The following LARS2 variants were observed in gnomAD, a reference collection of about 807,000 sequenced individuals.
The protein encoded by LARS2 is leucine--tRNA ligase, mitochondrial.
A neutral mutation model predicts 116.6 loss-of-function variants in LARS2; 81 were observed. That is an observed-to-expected ratio of 0.69 (90% confidence interval 0.58 to 0.84). LARS2 has a LOEUF of 0.84. Ranked by LOEUF, LARS2 falls within the 40% of genes least tolerant of loss-of-function variation. The pLI, the probability that LARS2 is intolerant of heterozygous loss-of-function variation, is 0.00. For synonymous variants in LARS2, 396 were observed against 407.2 expected (o/e 0.97, Z 0.33); for missense variants, 968 against 1,114.5 (o/e 0.87, Z 1.87).
At chr3:45,434,237 T>C (rs1698765670) in intron 6 of LARS2, among the ~76,000 whole-genome samples, 1 of 152,238 alleles carries the variant, frequency 6.6e-6, no homozygotes. Flanking sequence ...TCTTTTGTTA[T>C]AGTTCCACAT....
chr3:45,401,153 A>G lies in LARS2; in HGVS notation c.363+780A>G, dbSNP rs145553893. On this transcript the variant is annotated intron_variant, in intron 4 of 21. Transcript: ENST00000645846. ...CTAATGGAAAAAAATAATTTTTTTA[A>G]GAAAAGATATTTGGGGAGTAACAAC... Among the ~76,000 whole-genome samples, 14 of 152,250 alleles carry G rather than the reference A, an allele frequency of 9.2e-5. No homozygotes were observed. In the East Asian group the frequency reaches 2.7e-3, roughly 29 times the overall value.
intron 6 of LARS2, among the ~76,000 whole-genome samples, chr3:45,444,031 G>GTCTT (rs1698965486): frequency 6.9e-6 from 1 of 144,090 alleles, no homozygotes; most frequent in Non-Finnish European, 1.5e-5. Context: ...CTGAGACAGA[G>GTCTT]TCTTGCTCTG....
chr3:45,485,843 T>C, intron 11 of LARS2, 47 bp downstream of exon 11: 1 of 1,233,878 alleles, frequency 8.1e-7, no homozygotes, highest in Non-Finnish European at 1.2e-6. Flanking sequence ...TTTGCAGATT[T>C]AGAATCAAAA....
intron 19 of LARS2, 31 bp from the exon 20 acceptor site, chr3:45,523,966 A>G (rs768427091): frequency 1.5e-5 from 23 of 1,508,156 alleles, no homozygotes; most frequent in Non-Finnish European, 2.1e-5. Flanking sequence ...TTTACACCTC[A>G]GTCTTCTTAC....
intron 20 of LARS2, 184 bp from the exon 21 acceptor site, chr3:45,541,645 A>G (rs1243937086): frequency 1.5e-5 from 9 of 619,494 alleles, no homozygotes; most frequent in Middle Eastern, 4.4e-4. Context: ...AACAAAAGCT[A>G]CCCAACAACC....
At chr3:45,442,747 C>T (rs1390323611) in intron 6 of LARS2, among the ~76,000 whole-genome samples, 2 of 152,192 alleles carry the variant, frequency 1.3e-5, no homozygotes, top group Non-Finnish European at 2.9e-5. Flanking sequence ...AGAAGGGCAA[C>T]TCACTTAACC....
Position 45,500,473 on chromosome 3 carries a change from A to T in LARS2, c.1654A>T (p.Met552Leu). Residue 552 changes from methionine to leucine, a missense_variant, in exon 15 of 22, where the codon ATG (methionine) becomes TTG (leucine). Transcript: ENST00000645846. ...PFNTAVADYW[M>L]PVDLYIGGKE... ...TAACACAGCAGTGGCCGATTACTGG[A>T]TGCCTGTGGATTTGTACATTGGAGG... 6.2e-7 allele frequency: 1 copy of T among 1,605,884 alleles called. No homozygotes were observed.
intron 10 of LARS2, among the ~76,000 whole-genome samples, chr3:45,485,039 C>T (rs1699782602): frequency 6.6e-6 from 1 of 152,112 alleles, no homozygotes; most frequent in Non-Finnish European, 1.5e-5. Context: ...TGGTCATTCT[C>T]CAGGCCTCTG....
At chr3:45,533,190 G>A (rs1364194521) in intron 20 of LARS2, among the ~76,000 whole-genome samples, 3 of 104,726 alleles carry the variant, frequency 2.9e-5, no homozygotes, top group African/African-American at 7.5e-5. Context: ...TTGCTCTGTC[G>A]CCCAGGCTGG....
chr3:45,496,810 C>T (rs1360669944), intron 14 of LARS2, among the ~76,000 whole-genome samples: 1 of 152,260 alleles, frequency 6.6e-6, no homozygotes, highest in Non-Finnish European at 1.5e-5. Context: ...TGTCAGTCAA[C>T]TGTGCACCTC....
At chr3:45,415,137 G>A (rs575480942) in intron 4 of LARS2, among the ~76,000 whole-genome samples, 2 of 152,180 alleles carry the variant, frequency 1.3e-5, no homozygotes, top group African/African-American at 2.4e-5. Flanking sequence ...TTACTGGCCT[G>A]GGCTTGCTTA....
rs1339721535 is a variant in LARS2, at chr3:45,491,903, T to C, written c.1523+103T>C. The C allele has an allele frequency of 4.5e-6, 5 of 1,107,568 alleles. No individual in the cohort carries two copies. In the African/African-American group the frequency reaches 4.6e-5, roughly 10 times the overall value. 68.6% of individuals were successfully genotyped at this position (1,107,568 alleles called of 1,614,324 possible). On this transcript the variant is annotated intron_variant, in intron 13 of 21. Transcript: ENST00000645846. ...CCTGGTGCTAACTCTGCTCCCTTTTTCCCTGACTTCCATGAGGCTGGAAAG... is the reference window on the plus strand; with the variant it reads ...CCTGGTGCTAACTCTGCTCCCTTTTCCCCTGACTTCCATGAGGCTGGAAAG...
chr3:45,450,950 AT>A (rs796323553), intron 7 of LARS2, among the ~76,000 whole-genome samples: 26 of 151,700 alleles, frequency 1.7e-4, no homozygotes, highest in Middle Eastern at 3.4e-3. Flanking sequence ...GATGTTAAAC[AT>A]TTTTTTTCAT....
In LARS2 at chr3:45,541,965, C is replaced by T. The variant is rs1033935141; in HGVS notation, c.2532+9C>T. 1.9e-6 allele frequency: 3 copies of T among 1,614,004 alleles called. No homozygotes were observed. The highest frequency in any genetic ancestry group is 2.2e-5 in the South Asian group (2 of 91,062). ...TCCAGATGGCAGTTCTGGTAAGTAT[C>T]TCCCCTCAACCCCAGAACCCAGCAG... On this transcript the variant is annotated intron_variant, in intron 21 of 21. Coordinates refer to ENST00000645846, the MANE Select transcript of LARS2 (RefSeq NM_015340.4).
chr3:45,468,511 G>C (rs1030646101), intron 8 of LARS2, among the ~76,000 whole-genome samples: 1 of 152,210 alleles, frequency 6.6e-6, no homozygotes, highest in Non-Finnish European at 1.5e-5. Context: ...GGGCAGGGAG[G>C]TGACATAGGT....
chr3:45,456,217 G>A (rs1274554845), intron 7 of LARS2, among the ~76,000 whole-genome samples: 1 of 152,072 alleles, frequency 6.6e-6, no homozygotes, highest in Non-Finnish European at 1.5e-5. Flanking sequence ...TCTACATTGT[G>A]TACATATATC....
At chr3:45,443,335 T>G (rs988378680) in intron 6 of LARS2, among the ~76,000 whole-genome samples, 3 of 152,240 alleles carry the variant, frequency 2.0e-5, no homozygotes, top group Non-Finnish European at 4.4e-5. Flanking sequence ...TTATTTTGAT[T>G]GAGATAAAGC....
chr3:45,527,362 C>T (rs146783234), intron 20 of LARS2, among the ~76,000 whole-genome samples: 7,461 of 152,196 alleles, frequency 0.049, 254 homozygotes, highest in Non-Finnish European at 0.076. Context: ...CGGTGGCTCA[C>T]GCCTGTAATC....
intron 4 of LARS2, among the ~76,000 whole-genome samples, chr3:45,416,408 G>C (rs2125685732): frequency 6.6e-6 from 1 of 152,272 alleles, no homozygotes; most frequent in Non-Finnish European, 1.5e-5. Flanking sequence ...GGTGCTGAAT[G>C]ATGTACATTT....
Sources: gnomAD v4.1 joint callset for allele counts (sites outside exome capture counted in the v4.1 genomes callset) on GRCh38, gnomAD v4.1.1 for gene constraint, MANE v1.5 for transcripts, NCBI Gene and HGNC (gene_info 2026-07-23, HGNC 2026-07-21) for gene names.